Variants in INTS10 observed in about 807,000 individuals in gnomAD.
INTS10 encodes the protein integrator complex subunit 10.
Under a neutral mutation model 94.4 loss-of-function variants are expected in INTS10, and 44 were observed. That is an observed-to-expected ratio of 0.47 (90% CI 0.37 to 0.60). The LOEUF is 0.60. Ranked by LOEUF, INTS10 falls within the 20% of genes least tolerant of loss-of-function variation. The pLI, the probability that INTS10 is intolerant of heterozygous loss-of-function variation, is 0.00. For synonymous variants in INTS10, 341 were observed against 320.7 expected, an observed-to-expected ratio of 1.06 and a Z score of -0.68; for missense variants, 797 against 868.7, an observed-to-expected ratio of 0.92 and a Z score of 1.04.
At chr8:19,818,417 G>T (rs1237361966) in intron 2 of INTS10, 75 bp downstream of exon 2, 2 of 1,429,950 alleles carry the variant, frequency 1.4e-6, no homozygotes, top group South Asian at 2.3e-5. Context: ...TGCAGAAGTG[G>T]GAGTTGGGGG....
intron 12 of INTS10, 144 bp downstream of exon 12, chr8:19,833,465 A>C: frequency 1.9e-6 from 1 of 535,372 alleles, no homozygotes; most frequent in Middle Eastern, 5.3e-4. Flanking sequence ...CTGCTAGTGA[A>C]CATCACAATG....
In INTS10 at chr8:19,825,941, C is replaced by T. The variant is rs575487710; in HGVS notation, c.1007-485C>T. On this transcript the variant is annotated intron_variant, in intron 8 of 16. Transcript: ENST00000397977. ...ACAATTTGGTATATATCTGTACAGT[C>T]TTTTCTTTCTATGTGCATATACTTG... Among the ~76,000 whole-genome samples, 131 of 152,230 alleles carry T rather than the reference C, an allele frequency of 8.6e-4. 1 individual carries two copies. Among genetic ancestry groups the T allele is most frequent in the Non-Finnish European group, 1.6e-3 (110 of 67,998 alleles).
rs2067874072 is a variant in INTS10, at chr8:19,838,768, G to GT, written c.1639+1611dup. Among the ~76,000 whole-genome samples, 4 of 152,200 alleles carry GT rather than the reference G, an allele frequency of 2.6e-5. No homozygotes were observed. The South Asian group carries it at 8.3e-4, about 32-fold the overall frequency. ...CCAGGTATACCAGGAATGCATAGGC[G>GT]TTTGAACATACAAAAATCAGTGGCC... On this transcript the variant is annotated intron_variant, in intron 13 of 16. Transcript: ENST00000397977.
At position 19,845,816 on chromosome 8, in the gene INTS10, G is replaced by C. The variant is rs770185510; in HGVS notation, c.1976+19G>C. The C allele has an allele frequency of 6.6e-7, 1 of 1,525,464 alleles. No individual in the cohort carries two copies. Among genetic ancestry groups the C allele is most frequent in the Non-Finnish European group, 9.1e-7 (1 of 1,099,246 alleles). The allele number at this position is 1,525,464 out of a possible 1,614,324, so 94.5% of individuals were successfully genotyped here. A position where few individuals can be genotyped will look rare whatever the true frequency, so the allele number is the denominator to read the frequency against. On this transcript the variant is annotated intron_variant, in intron 16 of 16. Transcript: ENST00000397977. ...TGATCAAGTAAGCATGTTCTCTTTT[G>C]CTCTTCCATGCTGAGTGCTCACCTT...
intron 13 of INTS10, among the ~76,000 whole-genome samples, chr8:19,839,235 C>T (rs946279221): frequency 6.6e-6 from 1 of 152,096 alleles, no homozygotes; most frequent in Non-Finnish European, 1.5e-5. Flanking sequence ...TTTTTAACAT[C>T]AAACTTAACT....
rs75283631 is a variant in INTS10 at position 19,828,691 on chromosome 8, G to A, written c.1141-1715G>A. Among the ~76,000 whole-genome samples, 721 of 151,614 alleles carry A rather than the reference G, an allele frequency of 4.8e-3. 7 individuals carry two copies. Among genetic ancestry groups the A allele is most frequent in the African/African-American group, 0.016 (652 of 41,348 alleles). ...GTTACTTGGCAAAGAACAGGCCCCTGATGAAACAGTACCTGGCAGATACGG... is the reference window on the plus strand; with the variant it reads ...GTTACTTGGCAAAGAACAGGCCCCTAATGAAACAGTACCTGGCAGATACGG... On this transcript the variant is annotated intron_variant, in intron 9 of 16. Transcript: ENST00000397977.
intron 16 of INTS10, among the ~76,000 whole-genome samples, chr8:19,847,618 T>G (rs550089528): frequency 6.6e-6 from 1 of 152,338 alleles, no homozygotes; most frequent in Non-Finnish European, 1.5e-5. Context: ...TCACTTTACC[T>G]AGATAATGCC....
intron 16 of INTS10, among the ~76,000 whole-genome samples, chr8:19,848,134 G>C (rs945658306): frequency 6.6e-6 from 1 of 152,238 alleles, no homozygotes; most frequent in Admixed American, 6.5e-5. Flanking sequence ...ACTGAGGAAT[G>C]GTTGGAATCT....
chr8:19,839,692 C>G (rs534505569), intron 13 of INTS10, among the ~76,000 whole-genome samples: 2 of 151,378 alleles, frequency 1.3e-5, no homozygotes, highest in African/African-American at 4.8e-5. Context: ...AGAAAGATTT[C>G]CCTGTCTCAA....
At chr8:19,848,897 T>C (rs1229163281) in intron 16 of INTS10, 1 of 202,212 alleles carries the variant, frequency 4.9e-6, no homozygotes, top group Non-Finnish European at 1.1e-5. Context: ...GGTCGCTTTT[T>C]ATACCACCTC....
chr8:19,827,500 A>G (rs938783480), intron 9 of INTS10, among the ~76,000 whole-genome samples: 1 of 151,928 alleles, frequency 6.6e-6, no homozygotes, highest in Non-Finnish European at 1.5e-5. Context: ...GGGGCCTAGC[A>G]TTTTCTCTGC....
rs912750409 is a variant in INTS10 at position 19,843,612 on chromosome 8, C to T, written c.1720-464C>T. Among the ~76,000 whole-genome samples, 3 of 152,208 alleles carry T rather than the reference C, an allele frequency of 2.0e-5. No homozygotes were observed. Among genetic ancestry groups the T allele is most frequent in the African/African-American group, 7.2e-5 (3 of 41,458 alleles). ...GTTTTGACCATTTCTTTAGTTCACA[C>T]TTCTGCTTATTTCCTTGTGGCTCAC... On this transcript the variant is annotated intron_variant, in intron 14 of 16. Coordinates refer to ENST00000397977, the MANE Select transcript of INTS10 (RefSeq NM_018142.4). The surrounding 1 kb of genome is among the most constrained non-coding windows in gnomAD (Gnocchi z 4.7).
At chr8:19,818,537 T>G (rs1468931569) in intron 2 of INTS10, 195 bp downstream of exon 2, 1 of 568,878 alleles carries the variant, frequency 1.8e-6, no homozygotes, top group African/African-American at 1.9e-5. Context: ...TAATTATTAT[T>G]CTTATGTTTT....
chr8:19,827,304 C>T (rs1465821411), intron 9 of INTS10, among the ~76,000 whole-genome samples: 1 of 152,172 alleles, frequency 6.6e-6, no homozygotes, highest in Non-Finnish European at 1.5e-5. Context: ...GTCACTTGGT[C>T]CCAGCCCAAA....
At chr8:19,840,034 G>C (rs1236671191) in intron 13 of INTS10, among the ~76,000 whole-genome samples, 1 of 117,444 alleles carries the variant, frequency 8.5e-6, no homozygotes, top group Non-Finnish European at 1.6e-5. Flanking sequence ...CTGCACTCCA[G>C]CCTAGGCGAC....
intron 11 of INTS10, 26 bp downstream of exon 11, chr8:19,832,136 A>C (rs757790467): frequency 8.0e-7 from 1 of 1,248,568 alleles, no homozygotes; most frequent in South Asian, 1.2e-5. Flanking sequence ...TATTTTAGGT[A>C]CCTGTGTCTG....
At chr8:19,847,938 T>C (rs1281231283) in intron 16 of INTS10, among the ~76,000 whole-genome samples, 1 of 152,190 alleles carries the variant, frequency 6.6e-6, no homozygotes, top group Non-Finnish European at 1.5e-5. Flanking sequence ...TAACTTTCTA[T>C]AGAAGACAAG....
chr8:19,824,232 C>A (rs1033762985), intron 7 of INTS10, 188 bp downstream of exon 7: 9 of 473,006 alleles, frequency 1.9e-5, no homozygotes, highest in Non-Finnish European at 2.6e-5. Flanking sequence ...TGGCTCACAT[C>A]TGTAATCCCA....
Position 19,826,364 on chromosome 8 carries a change from G to A in INTS10, c.1007-62G>A, listed in dbSNP as rs577964386. ...CCCAAAGGGCTGGGATTGCAGGCAT[G>A]AGCCACCGCGCCTGGCCTCCTTGCT... On this transcript the variant is annotated intron_variant, in intron 8 of 16. Transcript: ENST00000397977. The A allele has an allele frequency of 2.1e-4, 327 of 1,525,912 alleles. No homozygotes were observed. The African/African-American group carries it at 4.3e-3, about 20-fold the overall frequency. The allele number at this position is 1,525,912 out of a possible 1,614,324, so 94.5% of individuals were successfully genotyped here.
Sources: gnomAD v4.1 joint callset for allele counts (sites outside exome capture counted in the v4.1 genomes callset) on GRCh38, gnomAD v4.1.1 for gene constraint, Gnocchi (gnomAD v3.1) non-coding constraint, MANE v1.5 for transcripts, NCBI Gene and HGNC (gene_info 2026-07-23, HGNC 2026-07-21) for gene names.